The following NAAA variants were observed in gnomAD, a reference collection of about 807,000 sequenced individuals.
The protein encoded by NAAA is N-acylethanolamine acid amidase, also known as N-acylethanolamine-hydrolyzing acid amidase.
A neutral mutation model predicts 44.8 loss-of-function variants in NAAA; 39 were observed. The observed-to-expected ratio is 0.87, with a 90% CI of 0.67 to 1.14. NAAA has a LOEUF of 1.14. Among genes scored for constraint, NAAA ranks in the 50% most tolerant of loss-of-function variants. The pLI is 0.00. For synonymous variants in NAAA, 178 were observed against 191.3 expected, an observed-to-expected ratio of 0.93 and a Z score of 0.58; for missense variants, 460 against 467.8, an observed-to-expected ratio of 0.98 and a Z score of 0.15.
chr4:75,918,969 C>A (rs1253068858), intron 8 of NAAA, among the ~76,000 whole-genome samples, 180 bp from the exon 9 acceptor site: 1 of 151,920 alleles, frequency 6.6e-6, no homozygotes, highest in Non-Finnish European at 1.5e-5. Flanking sequence ...ATAGAGAGAC[C>A]CTGTCTTTAC....
chr4:75,940,824 C>T lies in NAAA; in HGVS notation c.126G>A (p.Ser42=), dbSNP rs563181081. 3 of 1,596,114 alleles carry T rather than the reference C, an allele frequency of 1.9e-6. No individual in the cohort carries two copies. Among genetic ancestry groups the T allele is most frequent in the South Asian group, 1.1e-5 (1 of 90,224 alleles). The stretch of plus-strand genomic sequence containing the variant: ...CGGGCAGCCAGCGCAGCTCGGGGAC[C>T]GAGTCCAGGCTCACGTTGAAGCGCG... The part of the protein sequence containing the change: ...AAPRFNVSLD[S]VPELRWLPVL... Residue 42 remains serine, a synonymous_variant, in exon 1 of 11, where the codon TCG becomes TCA. Transcript: ENST00000286733.
chr4:75,935,727 G>T, intron 3 of NAAA: 1 of 246,264 alleles, frequency 4.1e-6, no homozygotes, highest in Non-Finnish European at 7.6e-6. Context: ...ATTTAAACCT[G>T]GGACTGTCAG....
intron 5 of NAAA, among the ~76,000 whole-genome samples, chr4:75,925,184 T>C (rs924894821): frequency 4.6e-5 from 7 of 152,086 alleles, no homozygotes; most frequent in African/African-American, 9.7e-5. Flanking sequence ...TACAGGCACA[T>C]GCCACCACAC....
rs200160645 is a variant in NAAA at position 75,940,046 on chromosome 4, C to A, written c.326G>T (p.Ser109Ile). 1.2e-6 allele frequency: 2 copies of A among 1,614,112 alleles called. No homozygotes were observed. Among genetic ancestry groups the A allele is most frequent in the East Asian group, 4.5e-5 (2 of 44,870 alleles). ...GTTGACCAGAAGGCAGTCCGCCAGG[C>A]TGAGGTTCATGAAGTCACACATGCC... is the stretch of plus-strand genomic sequence containing the variant. ...IRGMCDFMNL[S>I]LADCLLVNLA... Residue 109 changes from serine (S) to isoleucine (I), a missense_variant, in exon 2 of 11, where the codon AGC (serine) becomes ATC (isoleucine). By Grantham distance (142) the Ser-to-Ile change is moderately radical. Transcript: ENST00000286733.
chr4:75,930,875 C>T (rs1018556406), intron 4 of NAAA, among the ~76,000 whole-genome samples: 1 of 152,180 alleles, frequency 6.6e-6, no homozygotes, highest in East Asian at 1.9e-4. Flanking sequence ...GGCCTTCATC[C>T]TTGCGGTAAG....
At chr4:75,923,534 C>T (rs1385034103) in intron 5 of NAAA, among the ~76,000 whole-genome samples, 1 of 151,632 alleles carries the variant, frequency 6.6e-6, no homozygotes, top group African/African-American at 2.4e-5. Context: ...TCCATCTTCC[C>T]TTCTTTTTTC....
intron 3 of NAAA, 100 bp from the exon 4 acceptor site, chr4:75,931,404 A>G (rs767456976): frequency 7.6e-5 from 62 of 810,816 alleles, no homozygotes; most frequent in Non-Finnish European, 4.9e-5. Flanking sequence ...TTTCTTATAA[A>G]TTCCAACACA....
rs773386397 is a variant in NAAA at position 75,918,732 on chromosome 4, T to C, written c.998+29A>G. 22 of 1,609,586 alleles carry C rather than the reference T, an allele frequency of 1.4e-5. No individual in the cohort carries two copies. In the Middle Eastern group the frequency reaches 4.9e-4, roughly 36 times the overall value. ...GAGTTCACTGTTCTGGAGTGATGTG[T>C]GAACAGACATGTTTAACAAGCCACT... On this transcript the variant is annotated intron_variant, in intron 9 of 10. Coordinates refer to ENST00000286733, the MANE Select transcript of NAAA (RefSeq NM_014435.4).
chr4:75,918,812 A>G (rs755132780), intron 8 of NAAA, 23 bp from the exon 9 acceptor site: 2 of 1,600,644 alleles, frequency 1.2e-6, no homozygotes, highest in East Asian at 2.2e-5. Flanking sequence ...AAGTCATTTT[A>G]TAGAGAAGAT....
At chr4:75,934,807 C>G (rs1727569967) in intron 3 of NAAA, 1 of 152,114 alleles carries the variant, frequency 6.6e-6, no homozygotes, top group African/African-American at 2.4e-5. Flanking sequence ...GTAAAACTAC[C>G]TCTACAGACT....
At position 75,931,312 on chromosome 4, in the gene NAAA, C is replaced by T; in HGVS notation, c.499-8G>A. 1 of 1,592,344 alleles carries T rather than the reference C, an allele frequency of 6.3e-7. No individual in the cohort carries two copies. Among genetic ancestry groups the T allele is most frequent in the Non-Finnish European group, 8.6e-7 (1 of 1,160,950 alleles). ...AGTTCCTGTGAATGCAATCTGAAAT[C>T]AAGAGATAACATGGATCATTTCACC... On this transcript the variant is annotated splice_polypyrimidine_tract_variant and splice_region_variant and intron_variant, in intron 3 of 10. Transcript: ENST00000286733.
rs1382796480 is a variant in NAAA at position 75,919,930 on chromosome 4, G to A, written c.948C>T (p.Leu316=). The change falls in exon 8 of 11, where the codon CTC becomes CTT. Residue 316 remains leucine, a synonymous_variant. Transcript: ENST00000286733. ...KALNATGQAN[L]SLEALFQILS... is the part of the protein sequence containing the mutation. ...TTACCTGGAAAAGTGCCTCCAGGCT[G>A]AGGTTTGCTTGTCCTGTAGCATTAA... 6.2e-7 allele frequency: 1 copy of A among 1,614,078 alleles called. No homozygotes were observed. The highest frequency in any genetic ancestry group is 1.1e-5 in the South Asian group (1 of 91,058).
Position 75,914,156 on chromosome 4 carries a change from G to A in NAAA, c.*219C>T. 1.0e-6 allele frequency: 1 copy of A among 985,740 alleles called. No homozygotes were observed. The highest frequency in any genetic ancestry group is 1.2e-6 in the Non-Finnish European group (1 of 829,956). The allele number at this position is 985,740 out of a possible 1,614,324, so 61.1% of individuals were successfully genotyped here. ...ATCGAGGCAAACCATGAAGGGAAGG[G>A]AATGCAGGACAATGCCCATTACTGG... On this transcript the variant is annotated 3_prime_UTR_variant, in exon 11 of 11. Coordinates refer to ENST00000286733, the MANE Select transcript of NAAA (RefSeq NM_014435.4).
chr4:75,917,399 A>G (rs1318305814), intron 9 of NAAA: 1 of 152,338 alleles, frequency 6.6e-6, no homozygotes, highest in African/African-American at 2.4e-5. Flanking sequence ...CTAGCAGACC[A>G]CTGGGTATGC....
At chr4:75,922,326 C>T (rs138435932) in intron 5 of NAAA, among the ~76,000 whole-genome samples, 3 of 150,260 alleles carry the variant, frequency 2.0e-5, no homozygotes, top group African/African-American at 7.4e-5. Context: ...TGCAGTGAGC[C>T]GAGATCATGC....
Position 75,920,951 on chromosome 4 carries a change from G to A in NAAA, c.839C>T (p.Ala280Val), listed in dbSNP as rs531369679. ...GACCAGAGCTTTCAATTCTACTTAC[G>A]CTCCATTCAAAGGATCTAGAGGCCA... ...DIWPLDPLNGAWFRVETNYDH... is the reference protein window; with the variant it reads ...DIWPLDPLNGVWFRVETNYDH... The change falls in exon 6 of 11, where the codon GCG becomes GTG. Residue 280 changes from alanine (A) to valine (V), a missense_variant and splice_region_variant. Transcript: ENST00000286733. The A allele has an allele frequency of 2.9e-5, 47 of 1,613,564 alleles. No homozygotes were observed. The highest frequency in any genetic ancestry group is 3.5e-5 in the Non-Finnish European group (41 of 1,179,938).
intron 3 of NAAA, 146 bp from the exon 4 acceptor site, chr4:75,931,450 A>T: frequency 1.8e-6 from 1 of 552,396 alleles, no homozygotes; most frequent in Non-Finnish European, 3.1e-6. Context: ...TCTAAGACAG[A>T]GGTTCTTAAC....
chr4:75,939,356 T>C (rs954705878), intron 2 of NAAA, among the ~76,000 whole-genome samples: 7 of 151,400 alleles, frequency 4.6e-5, no homozygotes, highest in Admixed American at 4.6e-4. Context: ...AACTAAAGGG[T>C]CCAGATGAGA....
At chr4:75,934,265 C>A (rs1345098280) in intron 3 of NAAA, among the ~76,000 whole-genome samples, 1 of 151,680 alleles carries the variant, frequency 6.6e-6, no homozygotes, top group Non-Finnish European at 1.5e-5. Flanking sequence ...TTGACTTATG[C>A]CTGCTTCACA....
Sources: allele counts gnomAD v4.1 joint callset (sites outside exome capture counted in the v4.1 genomes callset), GRCh38; gene constraint gnomAD v4.1.1; transcripts MANE v1.5; gene names NCBI Gene and HGNC (gene_info 2026-07-23, HGNC 2026-07-21).